The following ARHGAP28 variants were observed in gnomAD, a reference collection of about 807,000 sequenced individuals.
The protein encoded by ARHGAP28 is Rho GTPase activating protein 28.
ARHGAP28 carries 56 observed loss-of-function variants against 90.7 expected under a neutral mutation model. The ratio of observed to expected loss-of-function variants is 0.62; its 90% CI spans 0.50 to 0.77. ARHGAP28 has a LOEUF of 0.77. Among genes scored for constraint, ARHGAP28 ranks in the 30% least tolerant of loss-of-function variants. The pLI is 0.00. For missense variants in ARHGAP28, 869 were observed against 900.9 expected, an observed-to-expected ratio of 0.96 and a Z score of 0.45; for synonymous variants, 308 against 323.3, an observed-to-expected ratio of 0.95 and a Z score of 0.51.
At chr18:6,861,436 A>G (rs913564688) in intron 5 of ARHGAP28, among the ~76,000 whole-genome samples, 2 of 152,128 alleles carry the variant, frequency 1.3e-5, no homozygotes, top group African/African-American at 4.8e-5. Context: ...CAGAGCCTCA[A>G]GTCATTGATT....
intron 3 of ARHGAP28, among the ~76,000 whole-genome samples, chr18:6,843,302 C>G (rs963902454): frequency 1.2e-4 from 19 of 152,162 alleles, no homozygotes. Flanking sequence ...TACTGCCGCT[C>G]TTCAGTGTCT....
chr18:6,831,493 T>C (rs1454962341), intron 2 of ARHGAP28, among the ~76,000 whole-genome samples: 9 of 149,012 alleles, frequency 6.0e-5, no homozygotes, highest in Non-Finnish European at 1.3e-4. Flanking sequence ...TTTTTCTTTT[T>C]TTTTTTTTAT....
intron 1 of ARHGAP28, among the ~76,000 whole-genome samples, chr18:6,756,831 AAGCATCC>A (rs1191317130): frequency 6.6e-6 from 1 of 152,154 alleles, no homozygotes; most frequent in East Asian, 1.9e-4. Flanking sequence ...CAAGGGCAGG[AAGCATCC>A]AGCATGGGAG....
intron 1 of ARHGAP28, among the ~76,000 whole-genome samples, chr18:6,787,289 A>G: frequency 6.6e-6 from 1 of 151,818 alleles, no homozygotes; most frequent in Admixed American, 6.6e-5. Flanking sequence ...AAGAAAAAAA[A>G]AAAACTAAAA....
intron 2 of ARHGAP28, among the ~76,000 whole-genome samples, chr18:6,828,220 A>G (rs567408326): frequency 4.3e-3 from 648 of 152,302 alleles, no homozygotes; most frequent in Non-Finnish European, 6.5e-3. Flanking sequence ...GCGTGGCGGC[A>G]CGCGCCTGCA....
chr18:6,870,920 C>T (rs1304425281), intron 7 of ARHGAP28, among the ~76,000 whole-genome samples, 188 bp downstream of exon 7: 1 of 152,112 alleles, frequency 6.6e-6, no homozygotes, highest in Non-Finnish European at 1.5e-5. Flanking sequence ...CCTGCCTCAG[C>T]CTCCCGAGTA....
Position 6,882,142 on chromosome 18 carries a change from C to T in ARHGAP28, c.1296C>T (p.Tyr432=). 6.2e-7 allele frequency: 1 copy of T among 1,612,034 alleles called. No individual in the cohort carries two copies. The highest frequency in any genetic ancestry group is 8.5e-7 in the Non-Finnish European group (1 of 1,178,944). Residue 432 remains tyrosine (Y), a synonymous_variant, in exon 11 of 18, where the codon TAC becomes TAT. Coordinates refer to ENST00000383472, the MANE Select transcript of ARHGAP28 (RefSeq NM_001366230.1). The part of the protein sequence containing the change: ...LSGCTAKVKQ[Y]REELDAKFNA... ...CTGTTTTCCTTGATTTACAGCAATACCGTGAAGAACTTGATGCCAAGTTTA... is the reference window on the plus strand; with the variant it reads ...CTGTTTTCCTTGATTTACAGCAATATCGTGAAGAACTTGATGCCAAGTTTA...
chr18:6,857,538 G>T (rs2056963225), intron 4 of ARHGAP28, among the ~76,000 whole-genome samples: 1 of 152,224 alleles, frequency 6.6e-6, no homozygotes, highest in African/African-American at 2.4e-5. Context: ...GTGGCAGCGA[G>T]TGTTTTCAGG....
chr18:6,795,933 A>T (rs531750808), intron 1 of ARHGAP28, among the ~76,000 whole-genome samples: 3 of 152,350 alleles, frequency 2.0e-5, no homozygotes, highest in Non-Finnish European at 4.4e-5. Flanking sequence ...CTTGCATTTC[A>T]TGTGTAACAT....
At chr18:6,777,910 G>A (rs1600174512) in intron 1 of ARHGAP28, among the ~76,000 whole-genome samples, 2 of 152,146 alleles carry the variant, frequency 1.3e-5, no homozygotes, top group African/African-American at 4.8e-5. Context: ...TTGAAGGTCT[G>A]ACCCTCCTTA....
chr18:6,739,858 T>TC (rs2055960845), intron 1 of ARHGAP28, among the ~76,000 whole-genome samples: 1 of 149,644 alleles, frequency 6.7e-6, no homozygotes, highest in African/African-American at 2.4e-5. Flanking sequence ...AAGAATTCTT[T>TC]TTTTTTTTTT....
Position 6,875,023 on chromosome 18 carries a change from C to T in ARHGAP28, c.1213-1108C>T, listed in dbSNP as rs530432911. ...CCATGGTGACGCTGAGATTTTCTTT[C>T]CTTCATTGAGTTGAAACCAGCATTG... On this transcript the variant is annotated intron_variant, in intron 9 of 17. Transcript: ENST00000383472. 3.3e-5 allele frequency: 5 copies of T among 152,274 alleles called. No homozygotes were observed. The South Asian group carries it at 1.0e-3, about 32-fold the overall frequency. The allele number at this position is 152,274 out of a possible 1,614,324, so 9.4% of individuals were successfully genotyped here.
At chr18:6,896,425 CAT>C (rs2057304974) in intron 15 of ARHGAP28, 75 bp from the exon 16 acceptor site, 3 of 1,526,380 alleles carry the variant, frequency 2.0e-6, no homozygotes, top group Non-Finnish European at 2.7e-6. Flanking sequence ...CACTGATTTT[CAT>C]ATCTCTTAAG....
intron 10 of ARHGAP28, among the ~76,000 whole-genome samples, chr18:6,878,669 T>C (rs2057153222): frequency 1.3e-5 from 2 of 152,142 alleles, no homozygotes; most frequent in Admixed American, 1.3e-4. Context: ...GTCTTTTTTC[T>C]CCCCTACCCA....
chr18:6,730,335 A>G (rs914425291), intron 1 of ARHGAP28, among the ~76,000 whole-genome samples: 3 of 151,958 alleles, frequency 2.0e-5, no homozygotes, highest in Non-Finnish European at 4.4e-5. Context: ...GTAAATGAAT[A>G]ACCCTAAATC....
At chr18:6,773,715 C>T (rs1204489712) in intron 1 of ARHGAP28, among the ~76,000 whole-genome samples, 4 of 152,054 alleles carry the variant, frequency 2.6e-5, no homozygotes, top group Non-Finnish European at 1.5e-5. Flanking sequence ...AAAAATCTTT[C>T]GGGAATAGGA....
At chr18:6,770,792 G>A (rs1297984324) in intron 1 of ARHGAP28, among the ~76,000 whole-genome samples, 2 of 152,094 alleles carry the variant, frequency 1.3e-5, no homozygotes, top group East Asian at 3.9e-4. Context: ...GGAGGTGGGG[G>A]GTGGGGAGCC....
intron 6 of ARHGAP28, 55 bp downstream of exon 6, chr18:6,868,289 G>T (rs2057054416): frequency 1.4e-6 from 2 of 1,474,764 alleles, no homozygotes; most frequent in Non-Finnish European, 1.9e-6. Flanking sequence ...TTTTGTTCTG[G>T]CACTCAATAC....
chr18:6,780,355 A>G (rs1005434584), intron 1 of ARHGAP28, among the ~76,000 whole-genome samples: 5 of 152,232 alleles, frequency 3.3e-5, no homozygotes, highest in Admixed American at 2.6e-4. Flanking sequence ...TAAAAAACCA[A>G]TACAGTGTAA....
Sources: gnomAD v4.1 joint callset for allele counts (sites outside exome capture counted in the v4.1 genomes callset) on GRCh38, gnomAD v4.1.1 for gene constraint, MANE v1.5 for transcripts, NCBI Gene and HGNC (gene_info 2026-07-23, HGNC 2026-07-21) for gene names.